SYNPO2: variants seen among roughly 807,000 people sequenced by gnomAD.
SYNPO2 encodes the protein synaptopodin-2.
A neutral mutation model predicts 85.0 loss-of-function variants in SYNPO2; 56 were observed. That is an observed-to-expected ratio of 0.66 (90% CI 0.53 to 0.82). The LOEUF (loss-of-function observed/expected upper bound fraction) is 0.82, where lower values mean the gene tolerates loss of function less well. Ranked by LOEUF, SYNPO2 falls within the 40% of genes least tolerant of loss-of-function variation. The pLI, the probability that SYNPO2 is intolerant of heterozygous loss-of-function variation, is 0.00. For missense variants in SYNPO2, 1,575 were observed against 1,534.2 expected (o/e 1.03, Z -0.44); for synonymous variants, 602 against 591.1 (o/e 1.02, Z -0.27).
upstream of SYNPO2, among the ~76,000 whole-genome samples, chr4:118,884,086 G>A (rs1732158741): frequency 6.6e-6 from 1 of 152,184 alleles, no homozygotes; most frequent in African/African-American, 2.4e-5. Flanking sequence ...AGGGGGCACT[G>A]AGCTTAGATA....
At chr4:119,009,462 A>G (rs1460725105) in intron 1 of SYNPO2, among the ~76,000 whole-genome samples, 1 of 152,204 alleles carries the variant, frequency 6.6e-6, no homozygotes, top group Non-Finnish European at 1.5e-5. Context: ...AATAGAGTTA[A>G]TAATATGGTT....
At chr4:118,886,059 C>G (rs11931350), upstream of SYNPO2, among the ~76,000 whole-genome samples, 167 of 152,146 alleles carry the variant, frequency 1.1e-3, no homozygotes, top group African/African-American at 3.9e-3. Context: ...ATAAGAGTGG[C>G]TACAGAGGCA....
At position 119,051,241 on chromosome 4, in the gene SYNPO2, G is replaced by C. The variant is rs541675540; in HGVS notation, c.3253-6160G>C. Among the ~76,000 whole-genome samples, 496 of 126,540 alleles carry C rather than the reference G, an allele frequency of 3.9e-3. 7 individuals carry two copies. Among genetic ancestry groups the C allele is most frequent in the African/African-American group, 0.014 (458 of 33,644 alleles). 83.0% of individuals were successfully genotyped at this position (126,540 alleles called of 152,430 possible). ...GTCTCGCTCTGTCGCCCAGGCTGGA[G>C]TGCAGTGGCGGGATCTCGGCTCACT... On this transcript the variant is annotated intron_variant, in intron 4 of 4. Transcript: ENST00000307142.
intron 1 of SYNPO2, among the ~76,000 whole-genome samples, chr4:118,879,948 A>G (rs1020509754): frequency 6.6e-6 from 1 of 151,682 alleles, no homozygotes; most frequent in African/African-American, 2.4e-5. Flanking sequence ...TTAGAGACCC[A>G]GGAGCAGCAG....
intron 1 of SYNPO2, among the ~76,000 whole-genome samples, chr4:118,942,670 A>G (rs1367721280): frequency 6.6e-6 from 1 of 152,132 alleles, no homozygotes; most frequent in Non-Finnish European, 1.5e-5. Context: ...ACTGGGGATA[A>G]TGTTGCCACA....
intron 1 of SYNPO2, among the ~76,000 whole-genome samples, chr4:119,006,580 T>G (rs950337758): frequency 1.3e-5 from 2 of 152,258 alleles, no homozygotes; most frequent in African/African-American, 4.8e-5. Flanking sequence ...TTATCCCATT[T>G]AAAAATGTCA....
intron 1 of SYNPO2, among the ~76,000 whole-genome samples, chr4:118,905,615 C>T (rs1399329331): frequency 6.6e-6 from 1 of 152,222 alleles, no homozygotes; most frequent in African/African-American, 2.4e-5. Flanking sequence ...CAGCACATCT[C>T]TCATAGAAAA....
intron 4 of SYNPO2, among the ~76,000 whole-genome samples, chr4:119,044,667 G>C (rs538398681): frequency 6.6e-6 from 1 of 152,106 alleles, no homozygotes; most frequent in South Asian, 2.1e-4. Flanking sequence ...CTCACTCTGG[G>C]GTCATGTTTT....
At chr4:118,900,703 C>CTCTCTCTCTATATATATATATA (rs1277981772) in intron 1 of SYNPO2, among the ~76,000 whole-genome samples, 9 of 43,892 alleles carry the variant, frequency 2.1e-4, no homozygotes, top group Admixed American at 2.9e-4. Flanking sequence ...CTCTCTCTCT[C>CTCTCTCTCTATATATATATATA]TATATATATA....
chr4:118,913,558 ATTGT>A lies in SYNPO2; in HGVS notation c.105+24422_105+24425del, dbSNP rs1312056296. 2.4e-5 allele frequency among the ~76,000 whole-genome samples: 3 copies of A among 125,192 alleles called. No homozygotes were observed. The South Asian group carries it at 8.2e-4, about 34-fold the overall frequency. 82.1% of individuals were successfully genotyped at this position (125,192 alleles called of 152,430 possible). On this transcript the variant is annotated intron_variant, in intron 1 of 4. Coordinates refer to ENST00000307142, the MANE Select transcript of SYNPO2 (RefSeq NM_133477.3). Reference sequence around the variant, plus strand: ...GCTCATCTTGAGCCTTCTTTCATTTATTGTTTGTGTGTGTGTGTGTGTGTGTGTG... The same window carrying A: ...GCTCATCTTGAGCCTTCTTTCATTTATTGTGTGTGTGTGTGTGTGTGTGTG...
intron 4 of SYNPO2, chr4:119,032,694 T>C: frequency 5.1e-6 from 5 of 975,024 alleles, no homozygotes; most frequent in Non-Finnish European, 6.1e-6. Flanking sequence ...CAGATGTTTT[T>C]ACATATATAA....
At position 119,029,927 on chromosome 4, in the gene SYNPO2, G is replaced by A. The variant is rs751808536; in HGVS notation, c.1152G>A (p.Thr384=). ...GCAAAAGCATTGCCCTTCTTCTAAC[G>A]GATGCTCCCAACCCCAACTCCAAGG... is the stretch of plus-strand genomic sequence containing the variant. The part of the protein sequence containing the change: ...SKCKSIALLL[T]DAPNPNSKGV... The change falls in exon 4 of 5, where the codon ACG becomes ACA. Residue 384 remains threonine (T), a synonymous_variant. Coordinates refer to ENST00000307142, the MANE Select transcript of SYNPO2 (RefSeq NM_133477.3). The A allele has an allele frequency of 1.4e-5, 22 of 1,613,348 alleles. No homozygotes were observed. The highest frequency in any genetic ancestry group is 1.9e-5 in the Non-Finnish European group (22 of 1,179,712).
chr4:118,933,523 T>C (rs1052140406), intron 1 of SYNPO2, among the ~76,000 whole-genome samples: 1 of 152,214 alleles, frequency 6.6e-6, no homozygotes, highest in African/African-American at 2.4e-5. Context: ...AGTATATGTT[T>C]GTAGTTTTCA....
intron 1 of SYNPO2, among the ~76,000 whole-genome samples, chr4:118,962,304 G>C (rs1735128697): frequency 6.6e-6 from 1 of 152,180 alleles, no homozygotes; most frequent in Non-Finnish European, 1.5e-5. Flanking sequence ...TATAAAGGAA[G>C]TCTTGTTAAT....
chr4:118,980,051 A>C (rs547897968), intron 1 of SYNPO2, among the ~76,000 whole-genome samples: 7 of 152,360 alleles, frequency 4.6e-5, no homozygotes, highest in African/African-American at 1.7e-4. Flanking sequence ...AGTTGGATAC[A>C]TTGCATAGTA....
chr4:118,937,652 C>T (rs1021461281), intron 1 of SYNPO2, among the ~76,000 whole-genome samples: 5 of 152,020 alleles, frequency 3.3e-5, no homozygotes, highest in African/African-American at 9.7e-5. Flanking sequence ...GAATACTCAG[C>T]CTCAGTTTCT....
chr4:118,864,000 GT>G (rs746597584), intron 1 of SYNPO2, among the ~76,000 whole-genome samples: 4 of 152,042 alleles, frequency 2.6e-5, no homozygotes, highest in Non-Finnish European at 5.9e-5. Context: ...CTAATTTTGG[GT>G]TTGGTTTGCT....
At chr4:118,897,072 G>A (rs1383053359) in intron 1 of SYNPO2, among the ~76,000 whole-genome samples, 1 of 152,130 alleles carries the variant, frequency 6.6e-6, no homozygotes, top group African/African-American at 2.4e-5. Context: ...AATTTATAAA[G>A]GAAAGAGGTT....
chr4:118,890,646 A>T (rs1732331965), intron 1 of SYNPO2, among the ~76,000 whole-genome samples: 1 of 146,234 alleles, frequency 6.8e-6, no homozygotes, highest in African/African-American at 2.5e-5. Flanking sequence ...GCTCTGATCT[A>T]ACTTGCAGCC....
Sources: allele counts gnomAD v4.1 joint callset (sites outside exome capture counted in the v4.1 genomes callset), GRCh38; gene constraint gnomAD v4.1.1; transcripts MANE v1.5; gene names NCBI Gene and HGNC (gene_info 2026-07-23, HGNC 2026-07-21).